Variants in FAM3B observed in about 807,000 individuals in gnomAD.
The protein encoded by FAM3B is protein FAM3B.
A neutral mutation model predicts 28.4 loss-of-function variants in FAM3B; 29 were observed. The observed-to-expected ratio is 1.02, with a 90% CI of 0.76 to 1.39. The LOEUF is 1.39. Among genes scored for constraint, FAM3B ranks in the 40% most tolerant of loss-of-function variants. FAM3B has a pLI of 0.00. For missense variants in FAM3B, 266 were observed against 293.9 expected (o/e 0.91, Z 0.69); for synonymous variants, 91 against 103.0 (o/e 0.88, Z 0.71).
intron 7 of FAM3B, 132 bp downstream of exon 7, chr21:41,348,856 C>T (rs1322807801): frequency 1.0e-6 from 1 of 987,970 alleles, no homozygotes. Context: ...ATGAGATCAG[C>T]ATTAGATCCG....
At chr21:41,321,302 T>C (rs886732467) in intron 1 of FAM3B, among the ~76,000 whole-genome samples, 7 of 152,190 alleles carry the variant, frequency 4.6e-5, no homozygotes, top group African/African-American at 1.7e-4. Context: ...ATCTGTGGTG[T>C]CTGTGTGGGC....
At chr21:41,308,056 T>A (rs2088690913) in intron 1 of FAM3B, among the ~76,000 whole-genome samples, 1 of 152,216 alleles carries the variant, frequency 6.6e-6, no homozygotes, top group South Asian at 2.1e-4. Context: ...TCAAGATGTG[T>A]GTCATATAGT....
chr21:41,324,909 T>C (rs748467847), intron 2 of FAM3B, among the ~76,000 whole-genome samples: 42 of 152,082 alleles, frequency 2.8e-4, no homozygotes, highest in Admixed American at 2.6e-4. Flanking sequence ...CCAGACCAGC[T>C]TGGCCAACGT....
At position 41,348,713 on chromosome 21, in the gene FAM3B, CAG is replaced by C. The variant is rs1462892031; in HGVS notation, c.613_614del (p.Glu205LysfsTer6). On this transcript the variant is annotated frameshift_variant, in exon 7 of 8. Coordinates refer to ENST00000357985, the MANE Select transcript of FAM3B (RefSeq NM_058186.4). LOFTEE classifies it high-confidence loss of function. The stretch of plus-strand genomic sequence containing the variant: ...AGGCTTGGAACTCCCTTCCGAAATT[CAG>C]AGAGAAAAGGTGAGTGGTTTTAAAA... ...AKGLELPSEI[Q>X]REKINHSDAK... 1 of 1,614,094 alleles carries C rather than the reference CAG, an allele frequency of 6.2e-7. No individual in the cohort carries two copies. The highest frequency in any genetic ancestry group is 8.5e-7 in the Non-Finnish European group (1 of 1,180,050).
At chr21:41,332,240 G>A (rs541989819) in intron 2 of FAM3B, among the ~76,000 whole-genome samples, 1 of 152,258 alleles carries the variant, frequency 6.6e-6, no homozygotes, top group South Asian at 2.1e-4. Context: ...GCTTCCTGAG[G>A]CCTCCCTAGA....
At chr21:41,310,807 AAGGGC>A (rs2123684469) in intron 1 of FAM3B, among the ~76,000 whole-genome samples, 1 of 152,300 alleles carries the variant, frequency 6.6e-6, no homozygotes, top group East Asian at 1.9e-4. Context: ...CTGTAGGGTG[AAGGGC>A]AGCTGCATAA....
At position 41,357,279 on chromosome 21, in the gene FAM3B, A is replaced by G; in HGVS notation, c.*82A>G. On this transcript the variant is annotated 3_prime_UTR_variant, in exon 8 of 8. Transcript: ENST00000357985. ...CAAGAATCTTATTTTTCTAAATCCAACAGCCCATATTTGATGAGTATTTTG... is the reference window on the plus strand; with the variant it reads ...CAAGAATCTTATTTTTCTAAATCCAGCAGCCCATATTTGATGAGTATTTTG... 1 of 946,538 alleles carries G rather than the reference A, an allele frequency of 1.1e-6. No homozygotes were observed. The highest frequency in any genetic ancestry group is 1.7e-5 in the South Asian group (1 of 58,596). 58.6% of individuals were successfully genotyped at this position (946,538 alleles called of 1,614,324 possible). A position where few individuals can be genotyped will look rare whatever the true frequency, so the allele number is the denominator to read the frequency against.
intron 1 of FAM3B, among the ~76,000 whole-genome samples, chr21:41,306,379 G>A (rs2088683248): frequency 6.6e-6 from 1 of 152,154 alleles, no homozygotes; most frequent in African/African-American, 2.4e-5. Context: ...CCTTCCAGAA[G>A]GTTTTCAATT....
intron 2 of FAM3B, among the ~76,000 whole-genome samples, chr21:41,327,712 C>G (rs1400502909): frequency 6.6e-6 from 1 of 152,200 alleles, no homozygotes; most frequent in Admixed American, 6.5e-5. Flanking sequence ...AGACCATTTG[C>G]TCACTTGTAA....
intron 2 of FAM3B, among the ~76,000 whole-genome samples, chr21:41,334,386 G>A (rs879494646): frequency 3.9e-5 from 6 of 152,188 alleles, no homozygotes; most frequent in Admixed American, 3.3e-4. Context: ...ATGGTTTCAT[G>A]GGTCAGCCCC....
chr21:41,315,621 C>A (rs189799621), upstream of FAM3B, among the ~76,000 whole-genome samples: 65 of 152,210 alleles, frequency 4.3e-4, no homozygotes, highest in Non-Finnish European at 8.5e-4. Flanking sequence ...CTCAAACGGG[C>A]CGTGCTCAGG....
At chr21:41,316,659 ACAGCCCGG>A, upstream of FAM3B, 2 of 308,426 alleles carry the variant, frequency 6.5e-6, no homozygotes, top group Non-Finnish European at 1.2e-5. Context: ...GCTCCCGGGC[ACAGCCCGG>A]GGCACAGCCC....
chr21:41,338,712 G>C (rs1016182147), intron 3 of FAM3B, among the ~76,000 whole-genome samples: 1 of 152,092 alleles, frequency 6.6e-6, no homozygotes, highest in Non-Finnish European at 1.5e-5. Flanking sequence ...TATGTGTCTT[G>C]TGTTTAATGG....
intron 1 of FAM3B, among the ~76,000 whole-genome samples, chr21:41,311,298 G>GTATA (rs1278469053): frequency 1.5e-4 from 7 of 47,428 alleles, no homozygotes; most frequent in African/African-American, 4.0e-4. Flanking sequence ...ATATATATAT[G>GTATA]TATATATACA....
chr21:41,346,025 A>T (rs1207463074), intron 5 of FAM3B: 8 of 260,220 alleles, frequency 3.1e-5, no homozygotes, highest in South Asian at 1.2e-4. Flanking sequence ...TTTTTTTTAA[A>T]AAAAAAAAAA....
At chr21:41,351,275 C>A (rs2089117850) in intron 7 of FAM3B, among the ~76,000 whole-genome samples, 1 of 152,148 alleles carries the variant, frequency 6.6e-6, no homozygotes, top group Non-Finnish European at 1.5e-5. Context: ...GACGTCAAAG[C>A]CAGGGCTGAG....
rs541104995 is a variant in FAM3B, at chr21:41,354,448, G to A, written c.619-2660G>A. On this transcript the variant is annotated intron_variant, in intron 7 of 7. Coordinates refer to ENST00000357985, the MANE Select transcript of FAM3B (RefSeq NM_058186.4). ...TCAACCCAAATGCCCATCAATGATA[G>A]ACTGAATAAAGAAAGTGTGACACAT... Among the ~76,000 whole-genome samples, 6 of 152,314 alleles carry A rather than the reference G, an allele frequency of 3.9e-5. No homozygotes were observed. In the East Asian group the frequency reaches 9.6e-4, roughly 24 times the overall value.
chr21:41,344,582 C>T, intron 4 of FAM3B, 48 bp downstream of exon 4: 1 of 1,546,312 alleles, frequency 6.5e-7, no homozygotes, highest in Non-Finnish European at 8.9e-7. Flanking sequence ...GCTCTCTGGT[C>T]AGATTTTCAA....
At chr21:41,322,191 C>T (rs961839234) in intron 1 of FAM3B, among the ~76,000 whole-genome samples, 14 of 132,388 alleles carry the variant, frequency 1.1e-4, no homozygotes, top group Non-Finnish European at 2.2e-4. Context: ...CAGAGAGCCA[C>T]CCCCCAGGCC....
Sources: gnomAD v4.1 joint callset for allele counts (sites outside exome capture counted in the v4.1 genomes callset) on GRCh38, gnomAD v4.1.1 for gene constraint, MANE v1.5 for transcripts, NCBI Gene and HGNC (gene_info 2026-07-23, HGNC 2026-07-21) for gene names.